RPS6KA2: variants seen among roughly 807,000 people sequenced by gnomAD.
The protein encoded by RPS6KA2 is ribosomal protein S6 kinase alpha-2.
A neutral mutation model predicts 91.8 loss-of-function variants in RPS6KA2; 42 were observed. That is an observed-to-expected ratio of 0.46 (90% confidence interval 0.36 to 0.59). RPS6KA2 has a LOEUF of 0.59. Ranked by LOEUF, RPS6KA2 falls within the 20% of genes least tolerant of loss-of-function variation. The pLI, the probability that RPS6KA2 is intolerant of heterozygous loss-of-function variation, is 0.00. For missense variants in RPS6KA2, 798 were observed against 978.5 expected (o/e 0.82, Z 2.46); for synonymous variants, 414 against 393.6 (o/e 1.05, Z -0.61).
At chr6:166,594,110 GCTTA>G (rs1299105964) in intron 1 of RPS6KA2, among the ~76,000 whole-genome samples, 6 of 152,146 alleles carry the variant, frequency 3.9e-5, no homozygotes, top group Non-Finnish European at 8.8e-5. Flanking sequence ...ACTAAATACA[GCTTA>G]CTTTATTTGA....
rs1044204455 is a variant in RPS6KA2, at chr6:166,411,094, G to A, written c.*1668C>T. On this transcript the variant is annotated 3_prime_UTR_variant, in exon 21 of 21. Coordinates refer to ENST00000265678, the MANE Select transcript of RPS6KA2 (RefSeq NM_021135.6). The surrounding 1 kb of genome is among the most constrained non-coding windows in gnomAD (Gnocchi z 4.5). ...CGACTTGCTCCTTTTATGTTTTGTGGTTCTCTAAGAAAAAAAAAATCCACA... is the reference window on the plus strand; with the variant it reads ...CGACTTGCTCCTTTTATGTTTTGTGATTCTCTAAGAAAAAAAAAATCCACA... The A allele has an allele frequency of 1.8e-5, 1 of 55,152 alleles. No homozygotes were observed. The highest frequency in any genetic ancestry group is 3.4e-5 in the Non-Finnish European group (1 of 29,586). 3.4% of individuals were successfully genotyped at this position (55,152 alleles called of 1,614,324 possible).
At chr6:166,504,727 C>T in intron 5 of RPS6KA2, 115 bp from the exon 6 acceptor site, 1 of 675,212 alleles carries the variant, frequency 1.5e-6, no homozygotes, top group East Asian at 2.8e-5. Context: ...TCAGTTTGCT[C>T]TGTGGAACGC....
intron 2 of RPS6KA2, among the ~76,000 whole-genome samples, chr6:166,676,945 T>C (rs1237955363): frequency 2.6e-5 from 4 of 152,254 alleles, no homozygotes; most frequent in Non-Finnish European, 5.9e-5. Flanking sequence ...ATTTCTTTAA[T>C]GGTCCAGCAC....
chr6:166,751,075 G>A lies in RPS6KA2; in HGVS notation c.123+107125C>T, dbSNP rs59765733. ...ACCTCACAAAGTTTATAACCCTCAC[G>A]CAGTGCCCCCGAGCTGCAGGTGACG... is the stretch of plus-strand genomic sequence containing the variant. On this transcript the variant is annotated intron_variant, in intron 2 of 21. Transcript: ENST00000503859. Among the ~76,000 whole-genome samples, 444 of 152,296 alleles carry A rather than the reference G, an allele frequency of 2.9e-3. 1 individual carries two copies. The highest frequency in any genetic ancestry group is 0.01 in the African/African-American group (425 of 41,568).
intron 3 of RPS6KA2, among the ~76,000 whole-genome samples, chr6:166,521,728 A>C (rs1782862594): frequency 6.6e-6 from 1 of 152,212 alleles, no homozygotes; most frequent in African/African-American, 2.4e-5. Context: ...GTTGGGCTTT[A>C]GACTTGAGTT....
chr6:166,578,799 T>A (rs16899186), intron 1 of RPS6KA2, among the ~76,000 whole-genome samples: 1 of 152,206 alleles, frequency 6.6e-6, no homozygotes. Context: ...TCTTCCACCA[T>A]GCGCCTCGTG....
At chr6:166,707,550 T>C (rs1789716736) in intron 2 of RPS6KA2, among the ~76,000 whole-genome samples, 1 of 152,086 alleles carries the variant, frequency 6.6e-6, no homozygotes, top group African/African-American at 2.4e-5. Flanking sequence ...ACGTTTAAAG[T>C]TATGGATGAC....
chr6:166,841,517 G>A (rs1342662095), intron 2 of RPS6KA2, among the ~76,000 whole-genome samples: 1 of 152,244 alleles, frequency 6.6e-6, no homozygotes, highest in Non-Finnish European at 1.5e-5. Flanking sequence ...GGAGGGTAAG[G>A]TGAGAACACA....
intron 10 of RPS6KA2, among the ~76,000 whole-genome samples, chr6:166,485,573 T>A (rs976864444): frequency 2.0e-5 from 3 of 152,140 alleles, no homozygotes; most frequent in African/African-American, 7.2e-5. Context: ...ATCAGAAACA[T>A]GACCTTTGAC....
At chr6:166,800,690 G>T (rs910048918) in intron 2 of RPS6KA2, among the ~76,000 whole-genome samples, 1 of 152,158 alleles carries the variant, frequency 6.6e-6, no homozygotes, top group Non-Finnish European at 1.5e-5. Context: ...TCTGTTATTT[G>T]TAAGTCACCT....
chr6:166,550,538 CAG>C (rs991057692), intron 1 of RPS6KA2, among the ~76,000 whole-genome samples: 3 of 152,156 alleles, frequency 2.0e-5, no homozygotes, highest in African/African-American at 7.2e-5. Context: ...AATGTCCAAT[CAG>C]GGTACAGATG....
At chr6:166,535,671 C>T (rs1190088541) in intron 2 of RPS6KA2, among the ~76,000 whole-genome samples, 6 of 152,212 alleles carry the variant, frequency 3.9e-5, no homozygotes, top group African/African-American at 9.6e-5. Flanking sequence ...CCTCTAAGCT[C>T]GCAGGGAACA....
intron 2 of RPS6KA2, among the ~76,000 whole-genome samples, chr6:166,685,169 C>T (rs1226063650): frequency 6.6e-6 from 1 of 152,130 alleles, no homozygotes; most frequent in East Asian, 1.9e-4. Context: ...GGTGTGCAGG[C>T]TGCGGGGACA....
At chr6:166,589,946 G>GT (rs895947286) in intron 1 of RPS6KA2, among the ~76,000 whole-genome samples, 72 of 152,282 alleles carry the variant, frequency 4.7e-4, no homozygotes, top group African/African-American at 1.7e-3. Context: ...AGGCATGCAA[G>GT]TGAGATACAC....
At chr6:166,841,534 A>G (rs532394937) in intron 2 of RPS6KA2, among the ~76,000 whole-genome samples, 52 of 152,370 alleles carry the variant, frequency 3.4e-4, no homozygotes, top group African/African-American at 1.0e-3. Context: ...CACAAGAACA[A>G]AAACTTAATT....
At chr6:166,804,506 A>G (rs555849538) in intron 2 of RPS6KA2, among the ~76,000 whole-genome samples, 1 of 152,140 alleles carries the variant, frequency 6.6e-6, no homozygotes, top group South Asian at 2.1e-4. Context: ...ATCTGGATTG[A>G]CAAAATTTTT....
At chr6:166,581,320 T>C (rs777142893) in intron 1 of RPS6KA2, among the ~76,000 whole-genome samples, 14 of 152,342 alleles carry the variant, frequency 9.2e-5, no homozygotes, top group Non-Finnish European at 1.6e-4. Context: ...TCAGGGCCTA[T>C]GCGGAGAATG....
chr6:166,483,776 C>G (rs1781316610), intron 10 of RPS6KA2, among the ~76,000 whole-genome samples: 1 of 152,192 alleles, frequency 6.6e-6, no homozygotes, highest in Non-Finnish European at 1.5e-5. Flanking sequence ...AGAGCCGACT[C>G]CTGCACACAT....
intron 11 of RPS6KA2, among the ~76,000 whole-genome samples, chr6:166,465,752 T>C (rs1331571942): frequency 2.0e-5 from 3 of 152,186 alleles, no homozygotes; most frequent in Non-Finnish European, 4.4e-5. Flanking sequence ...CGGTGGATGA[T>C]GGCGTTATGG....
Sources: allele counts gnomAD v4.1 joint callset (sites outside exome capture counted in the v4.1 genomes callset), GRCh38; gene constraint gnomAD v4.1.1; non-coding constraint Gnocchi (gnomAD v3.1); transcripts MANE v1.5; gene names NCBI Gene and HGNC (gene_info 2026-07-23, HGNC 2026-07-21).